RAB7A: variants seen among roughly 807,000 people sequenced by gnomAD.
The protein encoded by RAB7A is RAB7A, member RAS oncogene family.
Under a neutral mutation model 24.5 loss-of-function variants are expected in RAB7A, and 2 were observed. The ratio of observed to expected loss-of-function variants is 0.08; its 90% CI spans 0.03 to 0.26. RAB7A has a LOEUF of 0.26. Ranked by LOEUF, RAB7A falls within the 10% of genes least tolerant of loss-of-function variation. The probability of loss-of-function intolerance (pLI) is 1.00; values close to 1 mark genes in which losing one functional copy is unlikely to be tolerated. For missense variants in RAB7A, 118 were observed against 255.7 expected, an observed-to-expected ratio of 0.46 and a Z score of 3.67; for synonymous variants, 100 against 95.9, an observed-to-expected ratio of 1.04 and a Z score of -0.25.
In RAB7A at chr3:128,726,243, G is replaced by T; in HGVS notation, c.-125G>T. 6.5e-6 allele frequency: 1 copy of T among 153,784 alleles called. No individual in the cohort carries two copies. The highest frequency in any genetic ancestry group is 1.8e-4 in the South Asian group (1 of 5,480). 9.5% of individuals were successfully genotyped at this position (153,784 alleles called of 1,614,324 possible). A position where few individuals can be genotyped will look rare whatever the true frequency, so the allele number is the denominator to read the frequency against. Reference sequence around the variant, plus strand: ...CGGAGTTGGCGGCTTGGAGAGCTCGGGAGAGTTCCCTGGAACCAGAACTTG... The same window carrying T: ...CGGAGTTGGCGGCTTGGAGAGCTCGTGAGAGTTCCCTGGAACCAGAACTTG... On this transcript the variant is annotated 5_prime_UTR_variant, in exon 1 of 6. Transcript: ENST00000265062.
At chr3:128,788,185 A>G (rs574858815) in intron 1 of RAB7A, among the ~76,000 whole-genome samples, 2 of 152,258 alleles carry the variant, frequency 1.3e-5, no homozygotes, top group Non-Finnish European at 2.9e-5. Context: ...CTTGTGTTCA[A>G]GTAACTCATA....
chr3:128,729,339 G>A (rs575241651), intron 1 of RAB7A, among the ~76,000 whole-genome samples: 69 of 152,252 alleles, frequency 4.5e-4, no homozygotes, highest in African/African-American at 1.5e-3. Flanking sequence ...GGGAGGCCGA[G>A]GCAGGTGGAT....
intron 1 of RAB7A, among the ~76,000 whole-genome samples, chr3:128,768,149 G>A (rs955561420): frequency 6.6e-6 from 1 of 152,042 alleles, no homozygotes; most frequent in African/African-American, 2.4e-5. Flanking sequence ...CTGGTATTTT[G>A]TATAAATGGG....
chr3:128,782,750 C>G (rs1933248000), intron 1 of RAB7A, among the ~76,000 whole-genome samples: 1 of 152,070 alleles, frequency 6.6e-6, no homozygotes, highest in South Asian at 2.1e-4. Context: ...TTACTCTCTT[C>G]AACTATTTAT....
At chr3:128,802,166 G>GT (rs1933711797) in intron 3 of RAB7A, among the ~76,000 whole-genome samples, 1 of 152,236 alleles carries the variant, frequency 6.6e-6, no homozygotes, top group Non-Finnish European at 1.5e-5. Flanking sequence ...TTTTGGAATC[G>GT]TGAGTATGTA....
chr3:128,785,944 G>A (rs1158814826), intron 1 of RAB7A, among the ~76,000 whole-genome samples: 1 of 152,070 alleles, frequency 6.6e-6, no homozygotes, highest in Non-Finnish European at 1.5e-5. Flanking sequence ...CAGACTGACG[G>A]CCTACTTCCC....
intron 1 of RAB7A, among the ~76,000 whole-genome samples, chr3:128,793,118 G>T (rs1933494190): frequency 6.6e-6 from 1 of 152,128 alleles, no homozygotes; most frequent in South Asian, 2.1e-4. Context: ...CCACCTCCCG[G>T]GTTCAAGCCA....
At chr3:128,793,612 C>T (rs1012112216) in intron 1 of RAB7A, among the ~76,000 whole-genome samples, 2 of 152,154 alleles carry the variant, frequency 1.3e-5, no homozygotes, top group Admixed American at 6.5e-5. Flanking sequence ...GATACCAGAC[C>T]TTAGAGTGTG....
chr3:128,798,410 T>A (rs1320637812), intron 3 of RAB7A: 2 of 303,268 alleles, frequency 6.6e-6, no homozygotes, highest in Non-Finnish European at 1.3e-5. Flanking sequence ...CTTGACATCC[T>A]TGCCCAGTGC....
At chr3:128,761,906 C>G (rs1005357491) in intron 1 of RAB7A, among the ~76,000 whole-genome samples, 4 of 152,208 alleles carry the variant, frequency 2.6e-5, no homozygotes, top group Non-Finnish European at 4.4e-5. Context: ...CCAGCCCCAT[C>G]AAGATGTCTG....
chr3:128,732,120 A>G (rs1219336953), intron 1 of RAB7A, among the ~76,000 whole-genome samples: 1 of 147,728 alleles, frequency 6.8e-6, no homozygotes, highest in Non-Finnish European at 1.5e-5. Context: ...GCTCACTGCA[A>G]CCTCCGCCTC....
intron 5 of RAB7A, among the ~76,000 whole-genome samples, chr3:128,809,761 T>C (rs1459202188): frequency 1.3e-5 from 2 of 151,856 alleles, no homozygotes; most frequent in Non-Finnish European, 2.9e-5. Context: ...CATTCAGCTA[T>C]GTTACACAAG....
chr3:128,805,387 A>G (rs1933781750), intron 3 of RAB7A, among the ~76,000 whole-genome samples: 1 of 152,102 alleles, frequency 6.6e-6, no homozygotes. Context: ...CTGAGTTGTT[A>G]TCATGTTCGT....
intron 1 of RAB7A, among the ~76,000 whole-genome samples, chr3:128,742,192 GTTCGTTCC>G (rs1251333475): frequency 6.6e-6 from 1 of 151,756 alleles, no homozygotes; most frequent in African/African-American, 2.4e-5. Context: ...GTCTGGAGTT[GTTCGTTCC>G]TCCCGTCTAG....
At chr3:128,731,543 A>T (rs1475463760) in intron 1 of RAB7A, among the ~76,000 whole-genome samples, 1 of 152,202 alleles carries the variant, frequency 6.6e-6, no homozygotes, top group African/African-American at 2.4e-5. Context: ...TTTGGTGCTC[A>T]CAACTGTTGT....
chr3:128,734,956 C>T (rs1336117376), intron 1 of RAB7A, among the ~76,000 whole-genome samples: 2 of 152,020 alleles, frequency 1.3e-5, no homozygotes, highest in African/African-American at 4.8e-5. Context: ...AAATTTTTTC[C>T]AGTTCTAGCT....
intron 1 of RAB7A, among the ~76,000 whole-genome samples, chr3:128,733,943 C>A (rs535932621): frequency 3.9e-5 from 6 of 152,320 alleles, no homozygotes; most frequent in Middle Eastern, 3.4e-3. Context: ...CACATCCTTG[C>A]TAGCACTTGT....
At chr3:128,813,251 G>A (rs1576306668) in intron 5 of RAB7A, 76 bp from the exon 6 acceptor site, 3 of 1,378,276 alleles carry the variant, frequency 2.2e-6, no homozygotes, top group East Asian at 4.6e-5. Context: ...CCCCTCCTGG[G>A]CAGAAAGTGC....
intron 1 of RAB7A, among the ~76,000 whole-genome samples, chr3:128,767,860 A>T (rs1011543945): frequency 6.6e-6 from 1 of 152,088 alleles, no homozygotes; most frequent in Non-Finnish European, 1.5e-5. Context: ...CTCTGACTAT[A>T]CCTTTTATTT....
Sources: gnomAD v4.1 joint callset for allele counts (sites outside exome capture counted in the v4.1 genomes callset) on GRCh38, gnomAD v4.1.1 for gene constraint, MANE v1.5 for transcripts, NCBI Gene and HGNC (gene_info 2026-07-23, HGNC 2026-07-21) for gene names.